The following ARHGAP15 variants were observed in gnomAD, a reference collection of about 807,000 sequenced individuals.
The protein encoded by ARHGAP15 is Rho GTPase activating protein 15, also known as rho GTPase-activating protein 15.
ARHGAP15 carries 51 observed loss-of-function variants against 63.7 expected under a neutral mutation model. The ratio of observed to expected loss-of-function variants is 0.80; its 90% confidence interval spans 0.64 to 1.01. ARHGAP15 has a LOEUF of 1.01. Ranked by LOEUF, ARHGAP15 falls within the 50% of genes least tolerant of loss-of-function variation. The pLI is 0.00. For missense variants in ARHGAP15, 560 were observed against 564.6 expected (o/e 0.99, Z 0.08); for synonymous variants, 191 against 193.8 (o/e 0.99, Z 0.12).
chr2:143,144,874 A>G (rs892610889), intron 1 of ARHGAP15, among the ~76,000 whole-genome samples: 1 of 152,072 alleles, frequency 6.6e-6, no homozygotes, highest in African/African-American at 2.4e-5. Context: ...ACAAGTAACT[A>G]TTTCACAATA....
chr2:143,382,894 G>A (rs1274033081), intron 6 of ARHGAP15, among the ~76,000 whole-genome samples: 4 of 152,136 alleles, frequency 2.6e-5, no homozygotes, highest in African/African-American at 4.8e-5. Flanking sequence ...TGACAGATTC[G>A]AACCACAGCC....
chr2:143,188,679 G>C (rs1274427035), intron 2 of ARHGAP15, among the ~76,000 whole-genome samples: 1 of 150,962 alleles, frequency 6.6e-6, no homozygotes, highest in Non-Finnish European at 1.5e-5. Flanking sequence ...AGAGTGCAAT[G>C]GTATGATCTC....
In ARHGAP15 at chr2:143,285,774, C is replaced by G. The variant is rs367844058; in HGVS notation, c.474+35174C>G. Among the ~76,000 whole-genome samples, 19 of 152,274 alleles carry G rather than the reference C, an allele frequency of 1.2e-4. No individual in the cohort carries two copies. In the East Asian group the frequency reaches 3.1e-3, roughly 25 times the overall value. On this transcript the variant is annotated intron_variant, in intron 6 of 13. Coordinates refer to ENST00000295095, the MANE Select transcript of ARHGAP15 (RefSeq NM_018460.4). ...TAGAGTGAGATCTACATATTCCATA[C>G]AGATGGAATCAGTCCATGAATATAT... is the stretch of plus-strand genomic sequence containing the variant.
Position 143,673,455 on chromosome 2 carries a change from G to A in ARHGAP15, c.1139-29964G>A, listed in dbSNP as rs941353469. Among the ~76,000 whole-genome samples the A allele has an allele frequency of 4.0e-5, 6 of 151,620 alleles. No individual in the cohort carries two copies. The East Asian group carries it at 1.2e-3, about 30-fold the overall frequency. On this transcript the variant is annotated intron_variant, in intron 12 of 13. Transcript: ENST00000295095. Reference sequence around the variant, plus strand: ...TGGGATTACAGGAGTGTGCCACCACGCCCAGCCAATTTTTATATTTTTAGT... The same window carrying A: ...TGGGATTACAGGAGTGTGCCACCACACCCAGCCAATTTTTATATTTTTAGT...
intron 6 of ARHGAP15, among the ~76,000 whole-genome samples, chr2:143,389,083 T>C (rs1346353238): frequency 3.8e-5 from 5 of 132,376 alleles, no homozygotes; most frequent in African/African-American, 8.6e-5. Flanking sequence ...TTAATATTTC[T>C]ATTTTCTGTT....
At chr2:143,208,709 A>G (rs1362251823) in intron 3 of ARHGAP15, among the ~76,000 whole-genome samples, 1 of 152,174 alleles carries the variant, frequency 6.6e-6, no homozygotes. Context: ...CTGATCTTGT[A>G]TATTCTATAT....
At chr2:143,721,991 A>G (rs1169662703) in intron 13 of ARHGAP15, among the ~76,000 whole-genome samples, 1 of 152,198 alleles carries the variant, frequency 6.6e-6, no homozygotes, top group African/African-American at 2.4e-5. Flanking sequence ...ATGTTATGCA[A>G]ACATGGTTTA....
intron 5 of ARHGAP15, among the ~76,000 whole-genome samples, chr2:143,240,824 G>A (rs747116516): frequency 6.6e-6 from 1 of 152,140 alleles, no homozygotes; most frequent in East Asian, 1.9e-4. Context: ...TCAAGTGATC[G>A]ATATTGCTAT....
chr2:143,761,405 A>G (rs1018586187), intron 13 of ARHGAP15, among the ~76,000 whole-genome samples: 5 of 152,194 alleles, frequency 3.3e-5, no homozygotes, highest in African/African-American at 1.2e-4. Flanking sequence ...CAGATAGAGA[A>G]GGGAACATTT....
chr2:143,699,474 AT>A (rs1199093705), intron 12 of ARHGAP15, among the ~76,000 whole-genome samples: 2 of 152,204 alleles, frequency 1.3e-5, no homozygotes, highest in Admixed American at 1.3e-4. Flanking sequence ...AGAGAAAAAT[AT>A]TTCTATAAAA....
intron 9 of ARHGAP15, among the ~76,000 whole-genome samples, chr2:143,498,007 A>G (rs541634148): frequency 1.3e-5 from 2 of 152,308 alleles, no homozygotes; most frequent in African/African-American, 4.8e-5. Flanking sequence ...CGAGCAAAGG[A>G]AATATTAATA....
rs1188766804 is a variant in ARHGAP15, at chr2:143,406,822, G to A, written c.475-28779G>A. On this transcript the variant is annotated intron_variant, in intron 6 of 13. Transcript: ENST00000295095. Reference sequence around the variant, plus strand: ...TTCTCTGTAAGGCAATGAACACCATGGTCATTTAGGGACTCAGGTTTCTCC... The same window carrying A: ...TTCTCTGTAAGGCAATGAACACCATAGTCATTTAGGGACTCAGGTTTCTCC... Among the ~76,000 whole-genome samples the A allele has an allele frequency of 2.0e-5, 3 of 151,702 alleles. No individual in the cohort carries two copies. The East Asian group carries it at 5.8e-4, about 29-fold the overall frequency.
chr2:143,337,674 A>G (rs1233647119), intron 6 of ARHGAP15, among the ~76,000 whole-genome samples: 2 of 152,156 alleles, frequency 1.3e-5, no homozygotes, highest in South Asian at 2.1e-4. Flanking sequence ...TTGGGATCAC[A>G]GTATTTATTT....
At chr2:143,482,895 G>A (rs1692143205) in intron 8 of ARHGAP15, among the ~76,000 whole-genome samples, 1 of 152,166 alleles carries the variant, frequency 6.6e-6, no homozygotes. Flanking sequence ...CAAAATGAGT[G>A]GAATGAATGA....
chr2:143,606,939 A>G (rs778281347), intron 11 of ARHGAP15: 7 of 152,254 alleles, frequency 4.6e-5, no homozygotes, highest in East Asian at 1.9e-4. Context: ...TGGAAAGCCA[A>G]TGTAAAAGGT....
chr2:143,413,565 C>A (rs1688535156), intron 6 of ARHGAP15, among the ~76,000 whole-genome samples: 1 of 152,176 alleles, frequency 6.6e-6, no homozygotes, highest in Admixed American at 6.5e-5. Context: ...TGAACTCTTT[C>A]ACTTAAGTGA....
At chr2:143,162,679 T>C (rs1049164183) in intron 2 of ARHGAP15, among the ~76,000 whole-genome samples, 1 of 152,084 alleles carries the variant, frequency 6.6e-6, no homozygotes, top group African/African-American at 2.4e-5. Context: ...GCTTTTCCAC[T>C]AAATTTTTGC....
chr2:143,310,569 C>G (rs1356522733), intron 6 of ARHGAP15, among the ~76,000 whole-genome samples: 1 of 148,620 alleles, frequency 6.7e-6, no homozygotes, highest in Non-Finnish European at 1.5e-5. Context: ...TTAATCCATT[C>G]TTTGGAGAGG....
At chr2:143,678,411 T>C (rs1559121432) in intron 12 of ARHGAP15, among the ~76,000 whole-genome samples, 2 of 152,168 alleles carry the variant, frequency 1.3e-5, no homozygotes, top group Admixed American at 6.6e-5. Flanking sequence ...AAAACAAACA[T>C]TCCTTAGAGG....
Sources: gnomAD v4.1 joint callset for allele counts (sites outside exome capture counted in the v4.1 genomes callset) on GRCh38, gnomAD v4.1.1 for gene constraint, MANE v1.5 for transcripts, NCBI Gene and HGNC (gene_info 2026-07-23, HGNC 2026-07-21) for gene names.